Variants in DDX60L observed in about 807,000 individuals in gnomAD.
The protein encoded by DDX60L is probable ATP-dependent RNA helicase DDX60-like.
A neutral mutation model predicts 211.6 loss-of-function variants in DDX60L; 191 were observed. The ratio of observed to expected loss-of-function variants is 0.90; its 90% CI spans 0.80 to 1.02. The LOEUF is 1.02. Ranked by LOEUF, DDX60L falls within the 50% of genes least tolerant of loss-of-function variation. DDX60L has a pLI of 0.00. For missense variants in DDX60L, 2,007 were observed against 1,984.1 expected, an observed-to-expected ratio of 1.01 and a Z score of -0.22; for synonymous variants, 706 against 694.1, an observed-to-expected ratio of 1.02 and a Z score of -0.27.
chr4:168,477,213 A>T lies in DDX60L; in HGVS notation c.-111+3164T>A, dbSNP rs925706856. On this transcript the variant is annotated intron_variant, in intron 1 of 37. Transcript: ENST00000682922. ...GACGGATCACAAGGTCAGGAGATCG[A>T]GACCATCCTGGCTAACATGGTGAAA... Among the ~76,000 whole-genome samples, 8 of 152,138 alleles carry T rather than the reference A, an allele frequency of 5.3e-5. No individual in the cohort carries two copies. In the East Asian group the frequency reaches 5.8e-4, roughly 11 times the overall value.
At chr4:168,455,711 C>T (rs1160784579) in intron 7 of DDX60L, among the ~76,000 whole-genome samples, 2 of 152,148 alleles carry the variant, frequency 1.3e-5, no homozygotes, top group African/African-American at 4.8e-5. Flanking sequence ...TCTTCCTCCT[C>T]ACTTTCTCTG....
rs1049979114 is a variant in DDX60L, at chr4:168,358,258, T to C, written c.5010A>G (p.Leu1670=). Residue 1670 remains leucine, a synonymous_variant, in exon 38 of 38, where the codon CTA becomes CTG. Coordinates refer to ENST00000682922, the MANE Select transcript of DDX60L (RefSeq NM_001012967.3). ...CTACATTGTCACGCTTATTTTCACA[T>C]AGTTCACTCAAGGAGTCACTGTATA... The part of the protein sequence containing the change: ...IQAISDSLSE[L]CENKRDNVVL... The C allele has an allele frequency of 1.3e-6, 2 of 1,591,132 alleles. No homozygotes were observed. The highest frequency in any genetic ancestry group is 2.7e-5 in the African/African-American group (2 of 73,802).
intron 10 of DDX60L, among the ~76,000 whole-genome samples, chr4:168,436,415 T>C (rs1450628462): frequency 6.6e-6 from 1 of 152,234 alleles, no homozygotes; most frequent in Non-Finnish European, 1.5e-5. Flanking sequence ...GAACTCACTT[T>C]ATAGCAAATG....
At chr4:168,422,271 A>G (rs946627404) in intron 16 of DDX60L, among the ~76,000 whole-genome samples, 1 of 152,246 alleles carries the variant, frequency 6.6e-6, no homozygotes, top group Admixed American at 6.5e-5. Context: ...TGTAAGAACT[A>G]GTAATGCCAC....
intron 6 of DDX60L, among the ~76,000 whole-genome samples, chr4:168,456,354 A>G (rs934425575): frequency 1.3e-5 from 2 of 152,156 alleles, no homozygotes; most frequent in African/African-American, 4.8e-5. Flanking sequence ...CCAGAGAAAT[A>G]TGAAAACCTA....
intron 9 of DDX60L, among the ~76,000 whole-genome samples, chr4:168,443,502 G>A (rs1336305331): frequency 2.0e-5 from 3 of 151,830 alleles, no homozygotes; most frequent in Non-Finnish European, 2.9e-5. Context: ...GCAGGCCAAC[G>A]TTCAGATTCA....
rs746378834 is a variant in DDX60L at position 168,379,434 on chromosome 4, G to A, written c.4292C>T (p.Pro1431Leu). The A allele has an allele frequency of 6.2e-7, 1 of 1,601,656 alleles. No individual in the cohort carries two copies. Among genetic ancestry groups the A allele is most frequent in the Non-Finnish European group, 8.5e-7 (1 of 1,175,968 alleles). ...AAAATTTACAAAAACAAGATTTGAAGGTTCATGACCATGCAAATATGATGC... is the reference window on the plus strand; with the variant it reads ...AAAATTTACAAAAACAAGATTTGAAAGTTCATGACCATGCAAATATGATGC... ...GLASYLHGHE[P>L]SNLVFVNFLK... Residue 1431 changes from proline (P) to leucine (L), a missense_variant, in exon 32 of 38, where the codon CCT becomes CTT. Coordinates refer to ENST00000682922, the MANE Select transcript of DDX60L (RefSeq NM_001012967.3).
chr4:168,407,572 C>A (rs1442711626), intron 22 of DDX60L, among the ~76,000 whole-genome samples: 2 of 152,154 alleles, frequency 1.3e-5, no homozygotes, highest in African/African-American at 4.8e-5. Context: ...ATCTTTATGT[C>A]AAGGTTTCTG....
intron 25 of DDX60L, among the ~76,000 whole-genome samples, chr4:168,402,674 A>G (rs1484097458): frequency 1.3e-5 from 2 of 152,178 alleles, no homozygotes; most frequent in South Asian, 2.1e-4. Flanking sequence ...ACGCCTCTAC[A>G]TGGGCACCAG....
At chr4:168,405,358 C>A (rs1747561048) in intron 24 of DDX60L, among the ~76,000 whole-genome samples, 1 of 152,058 alleles carries the variant, frequency 6.6e-6, no homozygotes, top group African/African-American at 2.4e-5. Context: ...GTGAAAAATG[C>A]AAATAAACAT....
chr4:168,425,579 T>C (rs927219405), intron 14 of DDX60L, among the ~76,000 whole-genome samples: 2 of 152,048 alleles, frequency 1.3e-5, no homozygotes, highest in African/African-American at 4.8e-5. Context: ...CTGGCCAACA[T>C]GGCAAAACCC....
In DDX60L at chr4:168,473,287, T is replaced by A. The variant is rs187098047; in HGVS notation, c.-110-478A>T. Among the ~76,000 whole-genome samples, 248 of 152,302 alleles carry A rather than the reference T, an allele frequency of 1.6e-3. 1 individual carries two copies. The highest frequency in any genetic ancestry group is 1.6e-3 in the Non-Finnish European group (111 of 68,006). Reference sequence around the variant, plus strand: ...GAGCTAAACTCAGCCATTGATGGGTTTTAAACTGGTTGTAATTTGATTACA... The same window carrying A: ...GAGCTAAACTCAGCCATTGATGGGTATTAAACTGGTTGTAATTTGATTACA... On this transcript the variant is annotated intron_variant, in intron 1 of 37. Transcript: ENST00000682922.
rs1738293495 is a variant in DDX60L at position 168,356,941 on chromosome 4, G to A, written c.*1206C>T. The A allele has an allele frequency of 6.6e-6, 1 of 152,124 alleles. No homozygotes were observed. The highest frequency in any genetic ancestry group is 2.4e-5 in the African/African-American group (1 of 41,416). 9.4% of individuals were successfully genotyped at this position (152,124 alleles called of 1,614,324 possible). ...ATATTCTCTAATTTTTAAATCACTT[G>A]CAGTTTAAGCTCATTTGAGAAACTT... On this transcript the variant is annotated 3_prime_UTR_variant, in exon 38 of 38. Coordinates refer to ENST00000682922, the MANE Select transcript of DDX60L (RefSeq NM_001012967.3).
intron 9 of DDX60L, among the ~76,000 whole-genome samples, chr4:168,441,723 C>G (rs1293485278): frequency 6.6e-6 from 1 of 151,936 alleles, no homozygotes; most frequent in Non-Finnish European, 1.5e-5. Flanking sequence ...GTGACATGGG[C>G]CTGTGGTTCC....
intron 22 of DDX60L, among the ~76,000 whole-genome samples, 190 bp from the exon 23 acceptor site, chr4:168,406,896 A>G (rs1452175876): frequency 1.3e-5 from 2 of 152,164 alleles, no homozygotes; most frequent in African/African-American, 2.4e-5. Context: ...TAGCATCCCT[A>G]ACCTGCTGAA....
chr4:168,374,356 C>A (rs1266065349), intron 34 of DDX60L, among the ~76,000 whole-genome samples: 1 of 152,128 alleles, frequency 6.6e-6, no homozygotes, highest in Non-Finnish European at 1.5e-5. Context: ...GTCTTTTACT[C>A]CAACTATGAC....
chr4:168,411,858 G>A (rs1748733036), intron 22 of DDX60L, among the ~76,000 whole-genome samples: 1 of 152,044 alleles, frequency 6.6e-6, no homozygotes, highest in African/African-American at 2.4e-5. Flanking sequence ...GCTGAGAGGA[G>A]AGGGAAGAGT....
rs1742350767 is a variant in DDX60L, at chr4:168,378,466, T to C, written c.4373A>G (p.Gln1458Arg). The C allele has an allele frequency of 1.3e-6, 2 of 1,568,592 alleles. No homozygotes were observed. Among genetic ancestry groups the C allele is most frequent in the African/African-American group, 2.7e-5 (2 of 73,386 alleles). The change falls in exon 33 of 38, where the codon CAA (glutamine) becomes CGA (arginine). Residue 1458 changes from glutamine (Q) to arginine (R), a missense_variant. Physicochemically the swap from Gln to Arg is conservative, Grantham distance 43 (BLOSUM62 1). Coordinates refer to ENST00000682922, the MANE Select transcript of DDX60L (RefSeq NM_001012967.3). ...CTTTTCCATCACATCTTGGGAAAAT[T>C]GTTGTGAGCCTATTGAAATAAAGAG... is the stretch of plus-strand genomic sequence containing the variant. ...LCKPAWKGSQ[Q>R]FSQDVMEKLV...
At position 168,375,483 on chromosome 4, in the gene DDX60L, T is replaced by C; in HGVS notation, c.4527A>G (p.Leu1509=). Residue 1509 remains leucine, a synonymous_variant, in exon 34 of 38, where the codon TTA becomes TTG. Transcript: ENST00000682922. ...TCATTACTGCCAGGTTATACTCATA[T>C]AAAGCAGCTTTAAAATCCTCCGGGA... is the stretch of plus-strand genomic sequence containing the variant. The part of the protein sequence containing the change: ...AELPEDFKAA[L]YEYNLAVMKD... 1.2e-6 allele frequency: 2 copies of C among 1,612,798 alleles called. No homozygotes were observed. The highest frequency in any genetic ancestry group is 1.7e-6 in the Non-Finnish European group (2 of 1,179,392).
Sources: gnomAD v4.1 joint callset for allele counts (sites outside exome capture counted in the v4.1 genomes callset) on GRCh38, gnomAD v4.1.1 for gene constraint, MANE v1.5 for transcripts, NCBI Gene and HGNC (gene_info 2026-07-23, HGNC 2026-07-21) for gene names.